MEGF10: variants seen among roughly 807,000 people sequenced by gnomAD.
MEGF10 encodes the protein multiple epidermal growth factor-like domains protein 10.
Under a neutral mutation model 147.5 loss-of-function variants are expected in MEGF10, and 86 were observed. The observed-to-expected ratio is 0.58, with a 90% CI of 0.49 to 0.70. The LOEUF (loss-of-function observed/expected upper bound fraction) is 0.70. MEGF10 is among the 30% of genes least tolerant of loss of function. MEGF10 has a pLI of 0.00. For synonymous variants in MEGF10, 478 were observed against 525.5 expected, an observed-to-expected ratio of 0.91 and a Z score of 1.24; for missense variants, 1,329 against 1,487.3, an observed-to-expected ratio of 0.89 and a Z score of 1.75.
At chr5:127,233,851 G>C in the MEGF10 span, among the ~76,000 whole-genome samples, 1 of 151,956 alleles carries the variant, frequency 6.6e-6, no homozygotes, top group Admixed American at 6.6e-5. Flanking sequence ...CTAGTAATAG[G>C]GTTGAGAGGT....
At chr5:127,271,769 T>C in the MEGF10 span, among the ~76,000 whole-genome samples, 9 of 152,192 alleles carry the variant, frequency 5.9e-5, no homozygotes, top group Non-Finnish European at 2.9e-5. Context: ...TCTGCCATGA[T>C]TGTAAGTTTC....
chr5:127,293,014 G>A lies in MEGF10; in HGVS notation c.-19+1958G>A, dbSNP rs185675047. Among the ~76,000 whole-genome samples, 14 of 152,222 alleles carry A rather than the reference G, an allele frequency of 9.2e-5. No homozygotes were observed. In the East Asian group the frequency reaches 2.7e-3, roughly 29 times the overall value. On this transcript the variant is annotated intron_variant, in intron 1 of 24. Coordinates refer to ENST00000503335, the MANE Select transcript of MEGF10 (RefSeq NM_001256545.2). Reference sequence around the variant, plus strand: ...GCTCATAAGAGCACATAAAAAGCACGTATCATTGAGAAATTGAACAAAATA... The same window carrying A: ...GCTCATAAGAGCACATAAAAAGCACATATCATTGAGAAATTGAACAAAATA...
At chr5:127,234,214 A>G in the MEGF10 span, among the ~76,000 whole-genome samples, 2 of 152,190 alleles carry the variant, frequency 1.3e-5, no homozygotes, top group African/African-American at 4.8e-5. Flanking sequence ...CTAGGAAGGA[A>G]GAAGGTATGC....
chr5:127,456,452 T>C (rs1766366722), intron 24 of MEGF10, among the ~76,000 whole-genome samples: 1 of 152,214 alleles, frequency 6.6e-6, no homozygotes, highest in Non-Finnish European at 1.5e-5. Context: ...TCTATTTCTA[T>C]GTCTCTCTGA....
chr5:127,436,200 A>G (rs529906304), intron 16 of MEGF10, among the ~76,000 whole-genome samples: 3 of 152,352 alleles, frequency 2.0e-5, no homozygotes, highest in Admixed American at 6.5e-5. Flanking sequence ...CCCATCATGC[A>G]CATAAGAGAA....
chr5:127,396,658 A>G lies in MEGF10; in HGVS notation c.539A>G (p.Asp180Gly). 6.2e-7 allele frequency: 1 copy of G among 1,614,038 alleles called. No homozygotes were observed. Among genetic ancestry groups the G allele is most frequent in the Non-Finnish European group, 8.5e-7 (1 of 1,180,024 alleles). Residue 180 changes from aspartate to glycine, a missense_variant, in exon 6 of 25, where the codon GAC (aspartate) becomes GGC (glycine). Transcript: ENST00000503335. ...GGCTTCCGGGGCTGGCGCTGCGAGG[A>G]CCGCTGTGAGCAGGGCACCTATGGT... is the stretch of plus-strand genomic sequence containing the variant. ...AAGFRGWRCE[D>G]RCEQGTYGND...
chr5:127,379,510 A>C (rs1580787771), intron 5 of MEGF10, among the ~76,000 whole-genome samples: 1 of 146,480 alleles, frequency 6.8e-6, no homozygotes, highest in Admixed American at 6.8e-5. Context: ...TATGGAACAC[A>C]CTCGTCTTAT....
intron 1 of MEGF10, among the ~76,000 whole-genome samples, chr5:127,308,506 A>G (rs930477023): frequency 6.6e-6 from 1 of 152,202 alleles, no homozygotes; most frequent in African/African-American, 2.4e-5. Context: ...AATGTGGCAC[A>G]TATACACCAT....
intron 13 of MEGF10, chr5:127,424,396 T>A (rs1282898320): frequency 3.6e-6 from 3 of 824,342 alleles, no homozygotes; most frequent in South Asian, 1.5e-5. Flanking sequence ...CATCAATATG[T>A]TAATTTCCAC....
At chr5:127,456,701 G>A (rs566467121) in intron 24 of MEGF10, among the ~76,000 whole-genome samples, 2 of 152,298 alleles carry the variant, frequency 1.3e-5, no homozygotes, top group South Asian at 4.1e-4. Flanking sequence ...AGTAGGATGG[G>A]AACTCAAATG....
intron 13 of MEGF10, 91 bp from the exon 14 acceptor site, chr5:127,433,272 C>T: frequency 1.3e-6 from 2 of 1,512,038 alleles, no homozygotes; most frequent in African/African-American, 1.4e-5. Context: ...TCAGGTTTAA[C>T]ACTGTGAGCT....
chr5:127,266,000 C>G, the MEGF10 span, among the ~76,000 whole-genome samples: 1 of 152,182 alleles, frequency 6.6e-6, no homozygotes, highest in African/African-American at 2.4e-5. Context: ...TTTCCCATGC[C>G]TATGTCCTGA....
chr5:127,443,156 T>G lies in MEGF10; in HGVS notation c.2491+30T>G, dbSNP rs757415391. The G allele has an allele frequency of 1.9e-6, 3 of 1,596,452 alleles. No individual in the cohort carries two copies. The Admixed American group carries it at 5.1e-5, about 27-fold the overall frequency. On this transcript the variant is annotated intron_variant, in intron 19 of 24. Transcript: ENST00000503335. ...ATATACTAGCTAATGTTTGTAGCAC[T>G]GCAGTATTGTGTGAACACCATGTAC... is the stretch of plus-strand genomic sequence containing the variant.
chr5:127,372,437 C>T (rs1157848275), intron 5 of MEGF10, among the ~76,000 whole-genome samples: 1 of 152,196 alleles, frequency 6.6e-6, no homozygotes, highest in East Asian at 1.9e-4. Context: ...AACTGGGAAA[C>T]TGACCATAGT....
At chr5:127,341,436 C>T (rs942189149) in intron 4 of MEGF10, among the ~76,000 whole-genome samples, 1 of 152,148 alleles carries the variant, frequency 6.6e-6, no homozygotes, top group African/African-American at 2.4e-5. Context: ...CCAGGAATGA[C>T]TGGATAGATC....
chr5:127,357,207 T>C (rs548036755), intron 4 of MEGF10, among the ~76,000 whole-genome samples: 10 of 152,316 alleles, frequency 6.6e-5, no homozygotes, highest in Middle Eastern at 3.4e-3. Flanking sequence ...ATGGAGGAGA[T>C]GCGTATTTTA....
intron 4 of MEGF10, among the ~76,000 whole-genome samples, chr5:127,349,207 T>C (rs867958735): frequency 1.3e-5 from 2 of 152,278 alleles, no homozygotes; most frequent in Non-Finnish European, 2.9e-5. Flanking sequence ...TCTCTCACAT[T>C]TCTGTGCTTA....
chr5:127,267,194 C>A, the MEGF10 span, among the ~76,000 whole-genome samples: 2 of 151,898 alleles, frequency 1.3e-5, 1 homozygote, highest in African/African-American at 4.8e-5. Flanking sequence ...TGGTTTTTGT[C>A]TTTGGTTCTG....
chr5:127,408,824 C>A (rs866253994), intron 8 of MEGF10, among the ~76,000 whole-genome samples: 1 of 152,170 alleles, frequency 6.6e-6, no homozygotes, highest in Non-Finnish European at 1.5e-5. Context: ...TTCCTATAAT[C>A]CCAACATTTT....
Sources: allele counts gnomAD v4.1 joint callset (sites outside exome capture counted in the v4.1 genomes callset), GRCh38; gene constraint gnomAD v4.1.1; transcripts MANE v1.5; gene names NCBI Gene and HGNC (gene_info 2026-07-23, HGNC 2026-07-21).